Variants in INSYN1 observed in about 807,000 individuals in gnomAD.
The protein encoded by INSYN1 is inhibitory synaptic factor 1, also known as UPF0583 protein C15orf59.
INSYN1 carries 7 observed loss-of-function variants against 17.1 expected under a neutral mutation model. The ratio of observed to expected loss-of-function variants is 0.41; its 90% CI spans 0.23 to 0.77. The LOEUF (loss-of-function observed/expected upper bound fraction) is 0.77, where lower values mean the gene tolerates loss of function less well. Ranked by LOEUF, INSYN1 falls within the 30% of genes least tolerant of loss-of-function variation. INSYN1 has a pLI of 0.32. For synonymous variants in INSYN1, 174 were observed against 166.3 expected, an observed-to-expected ratio of 1.05 and a Z score of -0.36; for missense variants, 339 against 400.6, an observed-to-expected ratio of 0.85 and a Z score of 1.31.
chr15:73,743,312 A>G (rs763071798), intron 2 of INSYN1, among the ~76,000 whole-genome samples: 5 of 152,194 alleles, frequency 3.3e-5, no homozygotes, highest in Non-Finnish European at 5.9e-5. Flanking sequence ...CCCCAACCCA[A>G]GAAGCCCTTC....
intron 2 of INSYN1, among the ~76,000 whole-genome samples, chr15:73,746,442 C>T (rs1421898425): frequency 2.6e-5 from 4 of 152,220 alleles, no homozygotes; most frequent in Non-Finnish European, 5.9e-5. Context: ...CTCTCCTGCT[C>T]CAGCTGCTTC....
At chr15:73,741,476 C>G (rs1901689824) in intron 2 of INSYN1, among the ~76,000 whole-genome samples, 1 of 152,218 alleles carries the variant, frequency 6.6e-6, no homozygotes, top group Non-Finnish European at 1.5e-5. Context: ...TAAAGTGAAG[C>G]CCTTGGCTTC....
chr15:73,751,048 C>A lies in INSYN1; in HGVS notation c.83G>T (p.Arg28Leu), dbSNP rs756759221. 1 of 1,613,964 alleles carries A rather than the reference C, an allele frequency of 6.2e-7. No homozygotes were observed. ...AAGCTGCCCGATGACCATCTTCATG[C>A]GCTGTCGAATCCGCTCCCGCTCACC... is the stretch of plus-strand genomic sequence containing the variant. Reference protein sequence around the residue: ...SGGERERIRQRMKMVIGQLEG... With the variant: ...SGGERERIRQLMKMVIGQLEG... The change falls in exon 2 of 3, where the codon CGC becomes CTC. Residue 28 changes from arginine to leucine, a missense_variant. Transcript: ENST00000569673.
chr15:73,748,101 T>C (rs1901884647), intron 2 of INSYN1, among the ~76,000 whole-genome samples: 2 of 152,118 alleles, frequency 1.3e-5, no homozygotes, highest in African/African-American at 4.8e-5. Flanking sequence ...GCCAAGCCCC[T>C]AATAAATCCT....
chr15:73,745,250 C>T (rs1459739617), intron 2 of INSYN1, among the ~76,000 whole-genome samples: 1 of 152,038 alleles, frequency 6.6e-6, no homozygotes, highest in East Asian at 1.9e-4. Context: ...TAACTCCCTA[C>T]CCACCCCCTT....
At position 73,751,240 on chromosome 15, in the gene INSYN1, C is replaced by A. The variant is rs1901975681; in HGVS notation, c.-110G>T. The A allele has an allele frequency of 3.0e-6, 4 of 1,351,232 alleles. No homozygotes were observed. The South Asian group carries it at 5.3e-5, about 18-fold the overall frequency. 83.7% of individuals were successfully genotyped at this position (1,351,232 alleles called of 1,614,324 possible). ...GGGCAGAGCTCCACATTTTAACGGC[C>A]CCCCAGCCCACCCTGGCCCTGGGCG... On this transcript the variant is annotated 5_prime_UTR_variant, in exon 2 of 3. Transcript: ENST00000569673.
At chr15:73,749,053 C>G (rs962753888) in intron 2 of INSYN1, among the ~76,000 whole-genome samples, 2 of 152,154 alleles carry the variant, frequency 1.3e-5, no homozygotes, top group African/African-American at 4.8e-5. Context: ...ACCTGGAGCT[C>G]TGCTATTGGA....
chr15:73,749,637 G>A (rs981568103), intron 2 of INSYN1, among the ~76,000 whole-genome samples: 8 of 152,162 alleles, frequency 5.3e-5, no homozygotes, highest in African/African-American at 1.2e-4. Flanking sequence ...AGGAGGAAGC[G>A]TTCCGCAGGG....
intron 2 of INSYN1, among the ~76,000 whole-genome samples, chr15:73,743,646 C>T (rs138160065): frequency 0.019 from 2,927 of 151,168 alleles, 39 homozygotes; most frequent in Non-Finnish European, 0.028. Flanking sequence ...GGTGAAATCC[C>T]GTCTCTACTA....
In INSYN1 at chr15:73,752,314, A is replaced by G. The variant is rs1005409809; in HGVS notation, c.-772T>C. On this transcript the variant is annotated 5_prime_UTR_variant, in exon 1 of 3. Transcript: ENST00000569673. The surrounding 1 kb of genome is among the most constrained non-coding windows in gnomAD (Gnocchi z 5.2). The stretch of plus-strand genomic sequence containing the variant: ...GCCTCCGCGCTCCAGGGAAGGGGGC[A>G]GGAAAAATCTTTCTCAAGCCTCTCC... 1.3e-5 allele frequency: 2 copies of G among 152,158 alleles called. No individual in the cohort carries two copies. The highest frequency in any genetic ancestry group is 4.8e-5 in the African/African-American group (2 of 41,416). The allele number at this position is 152,158 out of a possible 1,614,324, so 9.4% of individuals were successfully genotyped here.
intron 2 of INSYN1, among the ~76,000 whole-genome samples, chr15:73,750,102 CTG>C (rs1416956199): frequency 6.6e-6 from 1 of 152,238 alleles, no homozygotes; most frequent in African/African-American, 2.4e-5. Flanking sequence ...TAAAGCCCAC[CTG>C]GCTGGTATAA....
intron 2 of INSYN1, among the ~76,000 whole-genome samples, chr15:73,746,690 C>G (rs948476526): frequency 2.0e-5 from 3 of 152,180 alleles, no homozygotes; most frequent in African/African-American, 7.2e-5. Context: ...CAACTGTGCC[C>G]TTAAGTTATA....
In INSYN1 at chr15:73,737,482, A is replaced by G. The variant is rs1901558850; in HGVS notation, c.*2435T>C. The G allele has an allele frequency of 6.6e-6, 1 of 152,238 alleles. No individual in the cohort carries two copies. Among genetic ancestry groups the G allele is most frequent in the Non-Finnish European group, 1.5e-5 (1 of 68,054 alleles). 9.4% of individuals were successfully genotyped at this position (152,238 alleles called of 1,614,324 possible). A position where few individuals can be genotyped will look rare whatever the true frequency, so the allele number is the denominator to read the frequency against. ...ATCGCTGATCAGCACCAAATGGCTG[A>G]GGATTTCCTGGGGCTGATAGAGGGG... On this transcript the variant is annotated 3_prime_UTR_variant, in exon 3 of 3. Coordinates refer to ENST00000569673, the MANE Select transcript of INSYN1 (RefSeq NM_001039614.3).
rs1308375715 is a variant in INSYN1 at position 73,752,814 on chromosome 15, C to T, written c.-1272G>A. On this transcript the variant is annotated 5_prime_UTR_variant, in exon 1 of 3. Transcript: ENST00000569673. The surrounding 1 kb of genome is among the most constrained non-coding windows in gnomAD (Gnocchi z 5.2). Reference sequence around the variant, plus strand: ...GGAGGGGCGATGTCAGCCGCGGGGACCCGGTCCCCGCCGGGCCCAGCCGAG... The same window carrying T: ...GGAGGGGCGATGTCAGCCGCGGGGATCCGGTCCCCGCCGGGCCCAGCCGAG... 1 of 151,526 alleles carries T rather than the reference C, an allele frequency of 6.6e-6. No homozygotes were observed. 9.4% of individuals were successfully genotyped at this position (151,526 alleles called of 1,614,324 possible).
At chr15:73,742,559 G>C (rs542136059) in intron 2 of INSYN1, among the ~76,000 whole-genome samples, 10 of 152,250 alleles carry the variant, frequency 6.6e-5, no homozygotes, top group African/African-American at 2.4e-4. Flanking sequence ...TTGGGCACTA[G>C]TCCCTGGAAA....
At chr15:73,747,757 C>T (rs1465360628) in intron 2 of INSYN1, among the ~76,000 whole-genome samples, 1 of 152,208 alleles carries the variant, frequency 6.6e-6, no homozygotes, top group African/African-American at 2.4e-5. Flanking sequence ...TACTTAAGAT[C>T]TACAGAACTT....
intron 2 of INSYN1, among the ~76,000 whole-genome samples, chr15:73,742,660 A>G (rs999379787): frequency 7.2e-5 from 11 of 152,130 alleles, no homozygotes; most frequent in Admixed American, 4.6e-4. Flanking sequence ...CGGCAGGGAT[A>G]GGGCCCTACC....
rs1378371427 is a variant in INSYN1 at position 73,738,300 on chromosome 15, A to G, written c.*1617T>C. The G allele has an allele frequency of 6.6e-6, 1 of 152,366 alleles. No individual in the cohort carries two copies. Among genetic ancestry groups the G allele is most frequent in the Non-Finnish European group, 1.5e-5 (1 of 68,144 alleles). 9.4% of individuals were successfully genotyped at this position (152,366 alleles called of 1,614,324 possible). On this transcript the variant is annotated 3_prime_UTR_variant, in exon 3 of 3. Transcript: ENST00000569673. ...CTAGCAGAGCCAGGCACAGCCTGGA[A>G]ATCACTAATTCTTGGGGGCAGAGTA... is the stretch of plus-strand genomic sequence containing the variant.
At chr15:73,746,129 T>G (rs74023528) in intron 2 of INSYN1, among the ~76,000 whole-genome samples, 1,999 of 147,718 alleles carry the variant, frequency 0.014, 56 homozygotes, top group African/African-American at 0.046. Flanking sequence ...GTTACATAAC[T>G]GGGGATTCTG....
Sources: gnomAD v4.1 joint callset for allele counts (sites outside exome capture counted in the v4.1 genomes callset) on GRCh38, gnomAD v4.1.1 for gene constraint, Gnocchi (gnomAD v3.1) non-coding constraint, MANE v1.5 for transcripts, NCBI Gene and HGNC (gene_info 2026-07-23, HGNC 2026-07-21) for gene names.